Variants in ADAMTSL3 observed in about 807,000 individuals in gnomAD.
ADAMTSL3 encodes the protein ADAMTS like 3, also known as ADAMTS-like protein 3.
ADAMTSL3 carries 128 observed loss-of-function variants against 201.7 expected under a neutral mutation model. The observed-to-expected ratio is 0.63, with a 90% CI of 0.55 to 0.73. The LOEUF (loss-of-function observed/expected upper bound fraction) is 0.73. Among genes scored for constraint, ADAMTSL3 ranks in the 30% least tolerant of loss-of-function variants. The pLI is 0.00. For missense variants in ADAMTSL3, 1,990 were observed against 2,119.6 expected (o/e 0.94, Z 1.20); for synonymous variants, 738 against 748.4 (o/e 0.99, Z 0.23).
intron 4 of ADAMTSL3, among the ~76,000 whole-genome samples, chr15:83,785,541 AT>A (rs1596204326): frequency 6.6e-6 from 1 of 151,750 alleles, no homozygotes; most frequent in African/African-American, 2.4e-5. Flanking sequence ...AGGAGTCTTT[AT>A]TTTTTCCCTT....
At chr15:83,714,761 C>CTCGTTCTTTCTTTCTTTCTTTCTTTCTT (rs2061979628) in intron 3 of ADAMTSL3, among the ~76,000 whole-genome samples, 1 of 41,454 alleles carries the variant, frequency 2.4e-5, no homozygotes, top group Non-Finnish European at 5.3e-5. Context: ...CTTCCCTTTT[C>CTCGTTCTTTCTTTCTTTCTTTCTTTCTT]TCTTTCTTTC....
In ADAMTSL3 at chr15:83,819,908, A is replaced by G. The variant is rs1173100226; in HGVS notation, c.461A>G (p.Tyr154Cys). 7 of 1,614,146 alleles carry G rather than the reference A, an allele frequency of 4.3e-6. No homozygotes were observed. Among genetic ancestry groups the G allele is most frequent in the African/African-American group, 1.3e-5 (1 of 75,046 alleles). ...QGHYYEWLPR[Y>C]NDPAAPCALK... is the part of the protein sequence containing the mutation. ...CATTACTATGAATGGCTTCCACGAT[A>G]TAATGATCCTGCTGCCCCGTGTGCA... Residue 154 changes from tyrosine to cysteine, a missense_variant, in exon 6 of 30, where the codon TAT becomes TGT. By Grantham distance (194) the Tyr-to-Cys change is radical (BLOSUM62 -2). Coordinates refer to ENST00000286744, the MANE Select transcript of ADAMTSL3 (RefSeq NM_207517.3).
At chr15:83,958,884 ATGAC>A (rs2066905467) in intron 19 of ADAMTSL3, among the ~76,000 whole-genome samples, 1 of 152,206 alleles carries the variant, frequency 6.6e-6, no homozygotes, top group Non-Finnish European at 1.5e-5. Flanking sequence ...AAACTCAAGA[ATGAC>A]TGGGCAGAGA....
At chr15:84,015,795 C>G (rs931207927) in intron 24 of ADAMTSL3, among the ~76,000 whole-genome samples, 12 of 152,202 alleles carry the variant, frequency 7.9e-5, no homozygotes, top group Non-Finnish European at 1.6e-4. Context: ...AGCCTTGTTT[C>G]TTTCTTCTGC....
intron 16 of ADAMTSL3, among the ~76,000 whole-genome samples, chr15:83,915,185 C>T (rs2066011670): frequency 6.6e-6 from 1 of 152,218 alleles, no homozygotes; most frequent in South Asian, 2.1e-4. Context: ...CACACCCCAA[C>T]ATCTACCTTG....
chr15:83,883,526 T>G (rs2065320976), intron 9 of ADAMTSL3, among the ~76,000 whole-genome samples: 1 of 151,942 alleles, frequency 6.6e-6, no homozygotes, highest in South Asian at 2.1e-4. Flanking sequence ...ATTTCTTTTT[T>G]TTTTTTCAAT....
At position 84,037,769 on chromosome 15, in the gene ADAMTSL3, A is replaced by G. The variant is rs2068537674; in HGVS notation, c.5039A>G (p.Tyr1680Cys). Residue 1680 changes from tyrosine to cysteine, a missense_variant, in exon 30 of 30, where the codon TAC becomes TGC. By Grantham distance (194) the Tyr-to-Cys change is radical. Coordinates refer to ENST00000286744, the MANE Select transcript of ADAMTSL3 (RefSeq NM_207517.3). ...CTTAATTTGTGTTCTCTAGACCGCT[A>G]CAAACAAAGGTGCTGCCAGTCATGT... ...KHLNLCSLDRYKQRCCQSCQE... is the reference protein window; with the variant it reads ...KHLNLCSLDRCKQRCCQSCQE... 7 of 1,614,066 alleles carry G rather than the reference A, an allele frequency of 4.3e-6. No individual in the cohort carries two copies. The South Asian group carries it at 4.4e-5, about 10-fold the overall frequency.
chr15:83,702,542 G>C (rs2061791492), intron 2 of ADAMTSL3, among the ~76,000 whole-genome samples: 1 of 152,338 alleles, frequency 6.6e-6, no homozygotes, highest in South Asian at 2.1e-4. Flanking sequence ...CTGGTGCCCT[G>C]TGTCCCAGCT....
At chr15:83,678,159 A>G (rs2061431136) in intron 2 of ADAMTSL3, among the ~76,000 whole-genome samples, 1 of 152,148 alleles carries the variant, frequency 6.6e-6, no homozygotes, top group South Asian at 2.1e-4. Flanking sequence ...TTTTGTTTCA[A>G]CTGTCAAATA....
At chr15:83,997,636 A>G (rs762374889) in intron 23 of ADAMTSL3, among the ~76,000 whole-genome samples, 1 of 152,194 alleles carries the variant, frequency 6.6e-6, no homozygotes, top group Admixed American at 6.5e-5. Flanking sequence ...TATAGCAAAT[A>G]TTAATGTCCA....
chr15:83,838,449 T>A (rs902452147), intron 7 of ADAMTSL3, among the ~76,000 whole-genome samples: 4 of 152,176 alleles, frequency 2.6e-5, no homozygotes, highest in Non-Finnish European at 5.9e-5. Context: ...ATTACTGTTT[T>A]AAAAAAATAT....
At chr15:83,976,409 C>T (rs748015925) in intron 20 of ADAMTSL3, among the ~76,000 whole-genome samples, 21 of 152,158 alleles carry the variant, frequency 1.4e-4, no homozygotes, top group African/African-American at 3.6e-4. Context: ...AGTTTTTCCA[C>T]GGACCAGTCG....
chr15:83,918,823 A>G (rs943725712), intron 16 of ADAMTSL3, among the ~76,000 whole-genome samples: 5 of 152,310 alleles, frequency 3.3e-5, no homozygotes, highest in Non-Finnish European at 5.9e-5. Flanking sequence ...ATTGTAGAGA[A>G]TGGATTGGAA....
rs772089205 is a variant in ADAMTSL3, at chr15:83,759,216, A to AT, written c.190-14302dup. Among the ~76,000 whole-genome samples, 54 of 150,854 alleles carry AT rather than the reference A, an allele frequency of 3.6e-4. 1 individual carries two copies. The highest frequency in any genetic ancestry group is 6.9e-3 in the Middle Eastern group (2 of 288). The stretch of plus-strand genomic sequence containing the variant: ...AAGTAACTCATGTTAATACTTTATC[A>AT]TTTTTGAATGACATTTTTTTTTTTT... On this transcript the variant is annotated intron_variant, in intron 3 of 29. Transcript: ENST00000286744.
chr15:83,897,937 G>A lies in ADAMTSL3; in HGVS notation c.1547G>A (p.Cys516Tyr). The change falls in exon 14 of 30, where the codon TGC becomes TAC. Residue 516 changes from cysteine to tyrosine, a missense_variant. Cys to Tyr is a radical substitution (Grantham distance 194, BLOSUM62 -2). Coordinates refer to ENST00000286744, the MANE Select transcript of ADAMTSL3 (RefSeq NM_207517.3). ...INHRGEHVGG[C>Y]NPQLKLHIKE... ...CACCGCGGAGAGCATGTTGGGGGCT[G>A]CAATCCACAACTGAAGTTACACATC... 5 of 1,613,782 alleles carry A rather than the reference G, an allele frequency of 3.1e-6. No homozygotes were observed. The highest frequency in any genetic ancestry group is 4.2e-6 in the Non-Finnish European group (5 of 1,179,780).
intron 9 of ADAMTSL3, among the ~76,000 whole-genome samples, chr15:83,877,305 A>G (rs1567207763): frequency 6.6e-6 from 1 of 152,202 alleles, no homozygotes; most frequent in Non-Finnish European, 1.5e-5. Context: ...CCATCTAGAA[A>G]TTATTTTGTA....
chr15:83,698,592 C>T (rs994196152), intron 2 of ADAMTSL3, among the ~76,000 whole-genome samples: 2 of 151,004 alleles, frequency 1.3e-5, no homozygotes, highest in African/African-American at 2.4e-5. Context: ...AGGGCCCTGA[C>T]CCCTTTGGTC....
chr15:83,916,482 A>C (rs1251731634), intron 16 of ADAMTSL3, among the ~76,000 whole-genome samples: 4 of 152,208 alleles, frequency 2.6e-5, no homozygotes, highest in Non-Finnish European at 5.9e-5. Flanking sequence ...TAAGCTTCTT[A>C]GCTTTACAAA....
In ADAMTSL3 at chr15:83,942,886, C is replaced by G. The variant is rs2066589470; in HGVS notation, c.2311-17C>G. On this transcript the variant is annotated splice_polypyrimidine_tract_variant and intron_variant, in intron 18 of 29. Transcript: ENST00000286744. ...AGTGGGCCAAGCCTGCCGCCTCACC[C>G]CCTCTTGTCTTCTTAGTGTTCCAGG... 1 of 1,609,124 alleles carries G rather than the reference C, an allele frequency of 6.2e-7. No homozygotes were observed. The highest frequency in any genetic ancestry group is 8.5e-7 in the Non-Finnish European group (1 of 1,177,582).
Sources: gnomAD v4.1 joint callset for allele counts (sites outside exome capture counted in the v4.1 genomes callset) on GRCh38, gnomAD v4.1.1 for gene constraint, MANE v1.5 for transcripts, NCBI Gene and HGNC (gene_info 2026-07-23, HGNC 2026-07-21) for gene names.